The following LYPLA1 variants were observed in gnomAD, a reference collection of about 807,000 sequenced individuals.
LYPLA1 encodes lysophospholipase 1.
LYPLA1 carries 17 observed loss-of-function variants against 34.0 expected under a neutral mutation model. The ratio of observed to expected loss-of-function variants is 0.50; its 90% CI spans 0.34 to 0.75. The LOEUF (loss-of-function observed/expected upper bound fraction) is 0.75, where lower values mean the gene tolerates loss of function less well. Ranked by LOEUF, LYPLA1 falls within the 30% of genes least tolerant of loss-of-function variation. LYPLA1 has a pLI of 0.01. For missense variants in LYPLA1, 203 were observed against 288.8 expected (o/e 0.70, Z 2.15); for synonymous variants, 98 against 100.8 (o/e 0.97, Z 0.17).
chr8:54,065,680 G>A, intron 3 of LYPLA1, 68 bp downstream of exon 3: 1 of 1,161,146 alleles, frequency 8.6e-7, no homozygotes, highest in Non-Finnish European at 1.3e-6. Context: ...TTTTCTGGAA[G>A]GGTAAAGCAA....
chr8:54,086,555 CAAAAAAAAAAAAA>C (rs1220626412), intron 2 of LYPLA1, among the ~76,000 whole-genome samples: 2 of 64,556 alleles, frequency 3.1e-5, no homozygotes, highest in African/African-American at 1.2e-4. Flanking sequence ...CAAAGGGTAC[CAAAAAAAAAAAAA>C]AAAAAAAAAA....
intron 2 of LYPLA1, among the ~76,000 whole-genome samples, chr8:54,070,475 C>T (rs1807379443): frequency 6.6e-6 from 1 of 152,162 alleles, no homozygotes; most frequent in Non-Finnish European, 1.5e-5. Flanking sequence ...GTAATCCCAG[C>T]ACTTTGGGGA....
chr8:54,086,555 CAAAAAA>C (rs1220626412), intron 2 of LYPLA1, among the ~76,000 whole-genome samples: 1 of 64,556 alleles, frequency 1.5e-5, no homozygotes, highest in African/African-American at 5.9e-5. Context: ...CAAAGGGTAC[CAAAAAA>C]AAAAAAAAAA....
chr8:54,046,582 A>C lies in LYPLA1; in HGVS notation c.*1483T>G, dbSNP rs954832948. On this transcript the variant is annotated 3_prime_UTR_variant, in exon 9 of 9. Coordinates refer to ENST00000316963, the MANE Select transcript of LYPLA1 (RefSeq NM_006330.4). ...GTTTAAAATTTTTAAATCCAGACAT[A>C]AACATATGGCTTCATTATTAACATC... is the stretch of plus-strand genomic sequence containing the variant. 3 of 152,646 alleles carry C rather than the reference A, an allele frequency of 2.0e-5. No individual in the cohort carries two copies. The highest frequency in any genetic ancestry group is 7.2e-5 in the African/African-American group (3 of 41,470). 9.5% of individuals were successfully genotyped at this position (152,646 alleles called of 1,614,324 possible).
intron 2 of LYPLA1, among the ~76,000 whole-genome samples, chr8:54,076,701 A>G (rs376874177): frequency 1.3e-4 from 20 of 152,372 alleles, no homozygotes; most frequent in African/African-American, 4.6e-4. Flanking sequence ...AGCCACAAAC[A>G]ACAGCATGAG....
At chr8:54,092,564 A>T (rs1216179118) in intron 2 of LYPLA1, among the ~76,000 whole-genome samples, 1 of 152,184 alleles carries the variant, frequency 6.6e-6, no homozygotes, top group East Asian at 1.9e-4. Flanking sequence ...AGCTAGTTGT[A>T]CTGGATGATT....
chr8:54,076,584 T>C (rs1346964022), intron 2 of LYPLA1, among the ~76,000 whole-genome samples: 6 of 152,216 alleles, frequency 3.9e-5, no homozygotes, highest in Non-Finnish European at 8.8e-5. Context: ...ACAAAATCTC[T>C]GCAGCACTAT....
At chr8:54,063,218 C>T (rs1469743308) in intron 4 of LYPLA1, 110 bp downstream of exon 4, 1 of 672,678 alleles carries the variant, frequency 1.5e-6, no homozygotes, top group Non-Finnish European at 2.5e-6. Flanking sequence ...AACTATGCAA[C>T]TTTGCAATTT....
At chr8:54,092,873 ATAT>A (rs1005332272) in intron 2 of LYPLA1, among the ~76,000 whole-genome samples, 3 of 152,216 alleles carry the variant, frequency 2.0e-5, no homozygotes, top group Admixed American at 6.5e-5. Flanking sequence ...GCACGCACAC[ATAT>A]TATTTCCATT....
At chr8:54,101,018 G>A in intron 1 of LYPLA1, 79 bp from the exon 2 acceptor site, 1 of 1,197,830 alleles carries the variant, frequency 8.3e-7, no homozygotes. Context: ...TTTGCTTAAG[G>A]TGGAAAACGG....
chr8:54,092,947 A>G (rs2129367127), intron 2 of LYPLA1, among the ~76,000 whole-genome samples: 1 of 152,302 alleles, frequency 6.6e-6, no homozygotes, highest in South Asian at 2.1e-4. Context: ...TTTGTAAAAG[A>G]AACACCACTC....
chr8:54,067,339 T>C (rs926112585), intron 2 of LYPLA1, among the ~76,000 whole-genome samples: 2 of 151,958 alleles, frequency 1.3e-5, no homozygotes, highest in African/African-American at 4.8e-5. Context: ...ACAGAAAACT[T>C]AAGAAAAAAA....
At chr8:54,100,652 T>A (rs1810055448) in intron 2 of LYPLA1, 1 of 455,852 alleles carries the variant, frequency 2.2e-6, no homozygotes, top group African/African-American at 2.0e-5. Context: ...TGGTATCCAA[T>A]ACCCAAAGCA....
chr8:54,045,346 TA>T (rs1053410559), downstream of LYPLA1, among the ~76,000 whole-genome samples: 45 of 152,324 alleles, frequency 3.0e-4, no homozygotes, highest in Admixed American at 2.9e-3. Context: ...CCCAACTATT[TA>T]CATATAGATA....
chr8:54,079,355 A>T lies in LYPLA1; in HGVS notation c.102-13542T>A, dbSNP rs185611485. 1.5e-3 allele frequency among the ~76,000 whole-genome samples: 232 copies of T among 152,290 alleles called. 2 individuals are homozygous for T. The highest frequency in any genetic ancestry group is 5.3e-3 in the African/African-American group (221 of 41,572). On this transcript the variant is annotated intron_variant, in intron 2 of 8. Coordinates refer to ENST00000316963, the MANE Select transcript of LYPLA1 (RefSeq NM_006330.4). ...TAGTTAGCTTTGCAAATAGATTTTA[A>T]TGTGTATAATAAGCAATATTTTGCA...
chr8:54,101,931 G>C lies in LYPLA1; in HGVS notation c.-108C>G, dbSNP rs1396013515. Reference sequence around the variant, plus strand: ...GCCGGCCCCACCGGGCGCACGCTCAGGCGCGTGCGCGCCAACGCGGCCCCG... The same window carrying C: ...GCCGGCCCCACCGGGCGCACGCTCACGCGCGTGCGCGCCAACGCGGCCCCG... On this transcript the variant is annotated 5_prime_UTR_variant, in exon 1 of 9. Coordinates refer to ENST00000316963, the MANE Select transcript of LYPLA1 (RefSeq NM_006330.4). The C allele has an allele frequency of 3.9e-6, 2 of 516,786 alleles. No individual in the cohort carries two copies. The highest frequency in any genetic ancestry group is 2.7e-6 in the Non-Finnish European group (1 of 373,924). The allele number at this position is 516,786 out of a possible 1,614,324, so 32.0% of individuals were successfully genotyped here.
intron 2 of LYPLA1, among the ~76,000 whole-genome samples, chr8:54,087,988 G>A (rs892307686): frequency 2.6e-5 from 4 of 152,150 alleles, no homozygotes; most frequent in East Asian, 1.9e-4. Context: ...TATTTGTCCC[G>A]ACTGGCTAGC....
chr8:54,056,806 G>T (rs1281694108), intron 5 of LYPLA1, among the ~76,000 whole-genome samples: 1 of 152,068 alleles, frequency 6.6e-6, no homozygotes, highest in Non-Finnish European at 1.5e-5. Context: ...GCAGCTACTT[G>T]GGAGGCTGAG....
chr8:54,067,563 TTATACA>T (rs1290833337), intron 2 of LYPLA1, among the ~76,000 whole-genome samples: 1 of 152,178 alleles, frequency 6.6e-6, no homozygotes, highest in Non-Finnish European at 1.5e-5. Context: ...AGGGATCATG[TTATACA>T]TATAGTTTCC....
Sources: allele counts gnomAD v4.1 joint callset (sites outside exome capture counted in the v4.1 genomes callset), GRCh38; gene constraint gnomAD v4.1.1; transcripts MANE v1.5; gene names NCBI Gene and HGNC (gene_info 2026-07-23, HGNC 2026-07-21).